Variants in DISC1 observed in about 807,000 individuals in gnomAD.
DISC1 encodes the protein disrupted in schizophrenia 1 protein.
In DISC1, 57 loss-of-function variants were observed where a neutral mutation model predicts 84.5. That is an observed-to-expected ratio of 0.67 (90% confidence interval 0.55 to 0.84). The LOEUF (loss-of-function observed/expected upper bound fraction) is 0.84. DISC1 is among the 40% of genes least tolerant of loss of function. DISC1 has a pLI of 0.00. For missense variants in DISC1, 1,000 were observed against 1,057.8 expected (o/e 0.95, Z 0.76); for synonymous variants, 411 against 415.2 (o/e 0.99, Z 0.12).
At chr1:231,944,552 G>A (rs1388424446) in intron 9 of DISC1, among the ~76,000 whole-genome samples, 1 of 152,118 alleles carries the variant, frequency 6.6e-6, no homozygotes, top group Non-Finnish European at 1.5e-5. Context: ...TTCACAGGTG[G>A]TAAGCAGAAG....
chr1:231,759,549 A>AAAAC (rs2075455745), intron 4 of DISC1, among the ~76,000 whole-genome samples: 8 of 139,066 alleles, frequency 5.8e-5, no homozygotes, highest in Non-Finnish European at 6.1e-5. Context: ...AAAAAAAAAA[A>AAAAC]AACAAAACTA....
chr1:232,031,235 A>G lies in DISC1; in HGVS notation c.2425+4683A>G, dbSNP rs1384897638. On this transcript the variant is annotated intron_variant, in intron 12 of 12. Coordinates refer to ENST00000439617, the MANE Select transcript of DISC1 (RefSeq NM_018662.3). This position sits in a 1 kb window ranked among gnomAD's most constrained non-coding sequence, Gnocchi z 4.6. ...GAAGGAAGGGAGAAAGAGAGAGAGA[A>G]AGAGAGGAAGGAAGGAAGGAGAAAG... Among the ~76,000 whole-genome samples the G allele has an allele frequency of 2.1e-5, 3 of 146,168 alleles. No individual in the cohort carries two copies. The highest frequency in any genetic ancestry group is 2.0e-4 in the East Asian group (1 of 4,970).
At chr1:231,682,398 A>C (rs2063781776) in intron 1 of DISC1, among the ~76,000 whole-genome samples, 1 of 152,178 alleles carries the variant, frequency 6.6e-6, no homozygotes, top group African/African-American at 2.4e-5. Context: ...TCAATATTCC[A>C]AAGCAGCATA....
intron 8 of DISC1, 115 bp downstream of exon 8, chr1:231,800,325 T>G (rs2079130210): frequency 1.1e-6 from 1 of 877,144 alleles, no homozygotes; most frequent in African/African-American, 1.7e-5. Flanking sequence ...TTCTCAGACA[T>G]CTGAAAGCTT....
In DISC1 at chr1:231,800,177, G is replaced by A; in HGVS notation, c.1759G>A (p.Ala587Thr). The A allele has an allele frequency of 6.2e-7, 1 of 1,612,052 alleles. No individual in the cohort carries two copies. The highest frequency in any genetic ancestry group is 1.1e-5 in the South Asian group (1 of 91,056). ...TAACGATATTGAAACCCAACTACCAGCCTTGCTTGAAGCCAAAATGCATGC... is the reference window on the plus strand; with the variant it reads ...TAACGATATTGAAACCCAACTACCAACCTTGCTTGAAGCCAAAATGCATGC... ...KVNDIETQLP[A>T]LLEAKMHAIS... The change falls in exon 8 of 13, where the codon GCC becomes ACC. Residue 587 changes from alanine to threonine, a missense_variant. Ala to Thr is a moderately conservative substitution (Grantham distance 58). Around this residue, in one of 3 missense-constraint regions of DISC1, gnomAD observed 397 missense variants for 377.5 expected, o/e 1.05. Transcript: ENST00000439617.
chr1:232,025,138 A>C (rs748217535), intron 11 of DISC1, among the ~76,000 whole-genome samples: 1 of 151,984 alleles, frequency 6.6e-6, no homozygotes, highest in Non-Finnish European at 1.5e-5. Context: ...CCCTTACCTC[A>C]CTTGAGTGGA....
intron 3 of DISC1, among the ~76,000 whole-genome samples, chr1:231,709,728 A>T (rs2067562680): frequency 6.6e-6 from 1 of 152,050 alleles, no homozygotes; most frequent in African/African-American, 2.4e-5. Context: ...CTTAGTTGAA[A>T]CTTGTACATG....
At chr1:231,995,783 T>C (rs1263764682) in intron 10 of DISC1, among the ~76,000 whole-genome samples, 8 of 151,484 alleles carry the variant, frequency 5.3e-5, no homozygotes, top group Non-Finnish European at 2.9e-5. Context: ...CTATTGTGAA[T>C]AGTGCCGCAA....
At chr1:231,887,082 G>A (rs1172734624) in intron 9 of DISC1, among the ~76,000 whole-genome samples, 2 of 151,712 alleles carry the variant, frequency 1.3e-5, no homozygotes, top group African/African-American at 2.4e-5. Context: ...GGATGGTCTC[G>A]ATCTCTTGAC....
At chr1:231,664,991 T>A (rs2061892855) in intron 1 of DISC1, among the ~76,000 whole-genome samples, 1 of 152,166 alleles carries the variant, frequency 6.6e-6, no homozygotes, top group Non-Finnish European at 1.5e-5. Flanking sequence ...CATAAAATGA[T>A]ACACACATCT....
chr1:231,774,749 G>A (rs748730718), intron 6 of DISC1: 2 of 456,002 alleles, frequency 4.4e-6, no homozygotes, highest in South Asian at 3.1e-5. Context: ...CAAGCTGATG[G>A]GCTGCAGCAT....
rs766559698 is a variant in DISC1 at position 231,694,306 on chromosome 1, G to A, written c.548G>A (p.Ser183Asn). ...GGCTCTCTGCCATCAGCAGAGTTGA[G>A]TAGCAACAGCTGCAGCCCTGGCTGT... ...AAGSLPSAEL[S>N]SNSCSPGCGP... The change falls in exon 2 of 13, where the codon AGT becomes AAT. Residue 183 changes from serine to asparagine, a missense_variant. Ser to Asn is a conservative substitution (Grantham distance 46, BLOSUM62 1). This residue lies in a region of DISC1 where 292 missense variants were observed against 280.2 expected (regional missense o/e 1.04). Transcript: ENST00000439617. 3.1e-6 allele frequency: 5 copies of A among 1,614,152 alleles called. No individual in the cohort carries two copies. In the South Asian group the frequency reaches 5.5e-5, roughly 18 times the overall value.
At chr1:231,851,797 T>G (rs2083920295) in intron 9 of DISC1, among the ~76,000 whole-genome samples, 1 of 152,104 alleles carries the variant, frequency 6.6e-6, no homozygotes, top group Non-Finnish European at 1.5e-5. Context: ...GAATGAGCAT[T>G]TGAGGAGGCA....
At chr1:231,915,593 A>G (rs989887862) in intron 9 of DISC1, among the ~76,000 whole-genome samples, 1 of 152,152 alleles carries the variant, frequency 6.6e-6, no homozygotes, top group Non-Finnish European at 1.5e-5. Context: ...CCTGGCCAAC[A>G]TGGTGAAACC....
chr1:231,972,069 G>A (rs139738257), intron 10 of DISC1, among the ~76,000 whole-genome samples: 78 of 152,136 alleles, frequency 5.1e-4, no homozygotes, highest in African/African-American at 1.7e-3. Context: ...AGTGCAGAGC[G>A]GTAATTACGC....
intron 9 of DISC1, among the ~76,000 whole-genome samples, chr1:231,860,749 T>A (rs936977077): frequency 2.6e-5 from 4 of 152,362 alleles, no homozygotes; most frequent in African/African-American, 4.8e-5. Context: ...TTTTTTGTTA[T>A]CTTTTTGCAC....
intron 11 of DISC1, among the ~76,000 whole-genome samples, chr1:232,011,936 C>G (rs56202411): frequency 0.053 from 8,103 of 152,246 alleles, 322 homozygotes; most frequent in East Asian, 0.2. Context: ...AGGCCTCTTA[C>G]AGGCCGCATC....
intron 3 of DISC1, chr1:231,722,390 C>A: frequency 7.7e-7 from 1 of 1,293,864 alleles, no homozygotes. Context: ...TCTGCCTGGA[C>A]TGCTCTATGA....
At position 231,693,922 on chromosome 1, in the gene DISC1, G is replaced by T. The variant is rs1370420420; in HGVS notation, c.164G>T (p.Gly55Val). The change falls in exon 2 of 13, where the codon GGG becomes GTG. Residue 55 changes from glycine (G) to valine (V), a missense_variant. Gly to Val is a moderately radical substitution (Grantham distance 109). Transcript: ENST00000439617. ...AGAAGCTCGACAGGGCCTGGGATCG[G>T]GTTCCTTTCCCCAGCAGTGGGCACA... ...YMRSSTGPGI[G>V]FLSPAVGTLF... 3.7e-6 allele frequency: 6 copies of T among 1,614,186 alleles called. No individual in the cohort carries two copies. Among genetic ancestry groups the T allele is most frequent in the Non-Finnish European group, 5.1e-6 (6 of 1,180,030 alleles).
Sources: allele counts gnomAD v4.1 joint callset (sites outside exome capture counted in the v4.1 genomes callset), GRCh38; gene constraint gnomAD v4.1.1; regional missense constraint gnomAD v4.1.1; non-coding constraint Gnocchi (gnomAD v3.1); transcripts MANE v1.5; gene names NCBI Gene and HGNC (gene_info 2026-07-23, HGNC 2026-07-21).